Variants in OXCT1 observed in about 807,000 individuals in gnomAD.
OXCT1 encodes succinyl-CoA:3-ketoacid coenzyme A transferase 1, mitochondrial.
Under a neutral mutation model 69.6 loss-of-function variants are expected in OXCT1, and 27 were observed. The ratio of observed to expected loss-of-function variants is 0.39; its 90% CI spans 0.29 to 0.54. OXCT1 has a LOEUF of 0.54. Among genes scored for constraint, OXCT1 ranks in the 20% least tolerant of loss-of-function variants. The probability of loss-of-function intolerance (pLI) is 0.72; values close to 1 mark genes in which losing one functional copy is unlikely to be tolerated. For missense variants in OXCT1, 437 were observed against 650.2 expected (o/e 0.67, Z 3.57); for synonymous variants, 202 against 217.8 (o/e 0.93, Z 0.64).
intron 5 of OXCT1, among the ~76,000 whole-genome samples, chr5:41,845,215 T>C (rs904754901): frequency 1.3e-5 from 2 of 152,188 alleles, no homozygotes. Context: ...TTACTCTTCC[T>C]TCTGAACAGA....
chr5:41,797,703 AC>A (rs1746244830), intron 11 of OXCT1, among the ~76,000 whole-genome samples: 1 of 152,182 alleles, frequency 6.6e-6, no homozygotes, highest in Non-Finnish European at 1.5e-5. Flanking sequence ...AGCGTTATAA[AC>A]CAAATTTGGG....
intron 11 of OXCT1, 33 bp from the exon 12 acceptor site, chr5:41,794,782 G>A: frequency 1.2e-6 from 2 of 1,600,174 alleles, no homozygotes; most frequent in Non-Finnish European, 1.7e-6. Flanking sequence ...GAAAGAAAAG[G>A]CTATTAGATT....
At chr5:41,863,117 T>C (rs1749819054) in intron 1 of OXCT1, among the ~76,000 whole-genome samples, 1 of 152,190 alleles carries the variant, frequency 6.6e-6, no homozygotes, top group Non-Finnish European at 1.5e-5. Context: ...TTGTGACTAA[T>C]GTCTCATAGT....
At chr5:41,845,326 G>C (rs1182675744) in intron 5 of OXCT1, among the ~76,000 whole-genome samples, 1 of 152,170 alleles carries the variant, frequency 6.6e-6, no homozygotes, top group Non-Finnish European at 1.5e-5. Flanking sequence ...CACCAGTCTG[G>C]AATATCAGCT....
intron 3 of OXCT1, among the ~76,000 whole-genome samples, chr5:41,857,853 T>G (rs79972528): frequency 6.6e-6 from 1 of 152,202 alleles, no homozygotes; most frequent in Non-Finnish European, 1.5e-5. Flanking sequence ...ACTAATAAAG[T>G]TGTAATAAAA....
intron 8 of OXCT1, among the ~76,000 whole-genome samples, chr5:41,806,530 T>C (rs777149218): frequency 2.6e-5 from 4 of 152,078 alleles, no homozygotes; most frequent in Admixed American, 6.6e-5. Flanking sequence ...CCCTTATGAA[T>C]TGGCTTAGTG....
intron 14 of OXCT1, among the ~76,000 whole-genome samples, chr5:41,755,271 T>C (rs1209492615): frequency 6.6e-6 from 1 of 152,074 alleles, no homozygotes; most frequent in Non-Finnish European, 1.5e-5. Flanking sequence ...TGTTCTGCTT[T>C]TTTTCTCCCA....
intron 13 of OXCT1, among the ~76,000 whole-genome samples, chr5:41,763,670 T>A (rs972631899): frequency 3.3e-5 from 5 of 152,058 alleles, no homozygotes; most frequent in Non-Finnish European, 7.4e-5. Flanking sequence ...CCAGGCAGTC[T>A]CAGTTTCTAT....
chr5:41,757,859 T>C (rs1285846336), intron 14 of OXCT1, among the ~76,000 whole-genome samples: 2 of 152,104 alleles, frequency 1.3e-5, no homozygotes, highest in Admixed American at 6.6e-5. Flanking sequence ...AAGGATGAGA[T>C]AGGCTGCTGG....
intron 4 of OXCT1, among the ~76,000 whole-genome samples, chr5:41,852,789 A>C (rs1749239943): frequency 2.0e-5 from 3 of 152,166 alleles, no homozygotes; most frequent in South Asian, 4.1e-4. Context: ...ATTCATAGAA[A>C]TTGGAGAGGC....
At chr5:41,767,204 G>A (rs532299926) in intron 13 of OXCT1, among the ~76,000 whole-genome samples, 1 of 152,196 alleles carries the variant, frequency 6.6e-6, no homozygotes, top group African/African-American at 2.4e-5. Context: ...TTATAGCACA[G>A]TTACATGAGA....
intron 7 of OXCT1, among the ~76,000 whole-genome samples, chr5:41,828,547 T>A (rs544447218): frequency 1.5e-4 from 23 of 152,232 alleles, no homozygotes; most frequent in African/African-American, 5.5e-4. Context: ...TAATGTCAGA[T>A]CTATTGACAG....
At chr5:41,732,475 C>T (rs1313803879) in intron 16 of OXCT1, among the ~76,000 whole-genome samples, 2 of 152,092 alleles carry the variant, frequency 1.3e-5, no homozygotes, top group Non-Finnish European at 2.9e-5. Context: ...GCAGGAGAAC[C>T]ATAAATATAA....
intron 10 of OXCT1, 33 bp from the exon 11 acceptor site, chr5:41,801,103 T>A (rs1746404198): frequency 6.6e-7 from 1 of 1,511,734 alleles, no homozygotes; most frequent in South Asian, 1.1e-5. Context: ...AATTAGTAAA[T>A]GAAGATTCTC....
rs1196996959 is a variant in OXCT1 at position 41,862,658 on chromosome 5, G to T, written c.171C>A (p.Ala57=). 5.0e-6 allele frequency: 8 copies of T among 1,606,926 alleles called. No individual in the cohort carries two copies. In the South Asian group the frequency reaches 8.8e-5, roughly 18 times the overall value. The change falls in exon 2 of 17, where the codon GCC becomes GCA. Residue 57 remains alanine, a synonymous_variant. Coordinates refer to ENST00000196371, the MANE Select transcript of OXCT1 (RefSeq NM_000436.4). ...AGTACTCACCACCAACCAAAACCGT[G>T]GCACCATCAGGGATGTCTTTTACAG... ...VEAVKDIPDG[A]TVLVGGFGLC...
At chr5:41,735,876 C>T (rs1742860997) in intron 16 of OXCT1, among the ~76,000 whole-genome samples, 1 of 152,210 alleles carries the variant, frequency 6.6e-6, no homozygotes, top group Non-Finnish European at 1.5e-5. Flanking sequence ...GAAAGCAATG[C>T]TCTGTTTTGC....
chr5:41,789,472 G>T (rs896253179), intron 13 of OXCT1, among the ~76,000 whole-genome samples: 1 of 152,084 alleles, frequency 6.6e-6, no homozygotes, highest in African/African-American at 2.4e-5. Flanking sequence ...CATGTTGAAT[G>T]AATTAGCGAA....
At chr5:41,810,392 A>T (rs1234916360) in intron 7 of OXCT1, among the ~76,000 whole-genome samples, 1 of 152,108 alleles carries the variant, frequency 6.6e-6, no homozygotes, top group East Asian at 1.9e-4. Context: ...CTCAGGGCAA[A>T]GCAATGGGCA....
intron 11 of OXCT1, 59 bp downstream of exon 11, chr5:41,800,963 T>G: frequency 7.1e-7 from 1 of 1,408,890 alleles, no homozygotes; most frequent in Non-Finnish European, 1.0e-6. Context: ...GAGTCCAAAC[T>G]CTTATTATGT....
Sources: allele counts gnomAD v4.1 joint callset (sites outside exome capture counted in the v4.1 genomes callset), GRCh38; gene constraint gnomAD v4.1.1; transcripts MANE v1.5; gene names NCBI Gene and HGNC (gene_info 2026-07-23, HGNC 2026-07-21).